Variants in CEP104 observed in about 807,000 individuals in gnomAD.
The protein encoded by CEP104 is centrosomal protein of 104 kDa.
In CEP104, 84 loss-of-function variants were observed where a neutral mutation model predicts 113.3. That is an observed-to-expected ratio of 0.74 (90% CI 0.62 to 0.89). The LOEUF is 0.89. Ranked by LOEUF, CEP104 falls within the 40% of genes least tolerant of loss-of-function variation. CEP104 has a pLI of 0.00. For synonymous variants in CEP104, 378 were observed against 421.7 expected, an observed-to-expected ratio of 0.90 and a Z score of 1.27; for missense variants, 1,053 against 1,156.6, an observed-to-expected ratio of 0.91 and a Z score of 1.30.
intron 4 of CEP104, among the ~76,000 whole-genome samples, 177 bp from the exon 5 acceptor site, chr1:3,845,528 C>T (rs1644491158): frequency 6.6e-6 from 1 of 152,058 alleles, no homozygotes; most frequent in Non-Finnish European, 1.5e-5. Flanking sequence ...ACCTTAGCTG[C>T]CCTGGTAGCT....
chr1:3,842,990 G>A (rs1229313272), intron 6 of CEP104: 2 of 398,416 alleles, frequency 5.0e-6, no homozygotes, highest in Admixed American at 4.4e-5. Flanking sequence ...GTTTTACCAT[G>A]CTGGCCAGGC....
At chr1:3,825,498 G>A (rs1458644001) in intron 18 of CEP104, among the ~76,000 whole-genome samples, 1 of 152,194 alleles carries the variant, frequency 6.6e-6, no homozygotes, top group African/African-American at 2.4e-5. Context: ...ACCCATTTGT[G>A]GTGTCAGAAA....
At chr1:3,832,822 A>C (rs1644242246) in intron 12 of CEP104, among the ~76,000 whole-genome samples, 1 of 152,042 alleles carries the variant, frequency 6.6e-6, no homozygotes, top group African/African-American at 2.4e-5. Flanking sequence ...CTGGGACTAC[A>C]GGGGTGTATC....
chr1:3,829,492 T>C, intron 14 of CEP104, 119 bp from the exon 15 acceptor site: 2 of 736,516 alleles, frequency 2.7e-6, no homozygotes, highest in Non-Finnish European at 4.4e-6. Flanking sequence ...CTAAGACTAA[T>C]AACAAGTTAG....
At chr1:3,846,487 AT>A (rs1644510147) in intron 4 of CEP104, among the ~76,000 whole-genome samples, 1 of 152,246 alleles carries the variant, frequency 6.6e-6, no homozygotes, top group Admixed American at 6.5e-5. Context: ...GGGCACATAT[AT>A]TATCATTCAT....
chr1:3,846,019 C>CAA (rs1284782480), intron 4 of CEP104, among the ~76,000 whole-genome samples: 3 of 140,704 alleles, frequency 2.1e-5, no homozygotes, highest in African/African-American at 5.5e-5. Context: ...ACAGAGGTTG[C>CAA]AGTGAGCCGA....
In CEP104 at chr1:3,845,349, A is replaced by C. The variant is rs375791906; in HGVS notation, c.429T>G (p.Val143=). The part of the protein sequence containing the change: ...HVNKYNIYNQ[V]ALVAINIIGD... ...CAATGATATTTATGGCAACCAAAGC[A>C]ACCTAAGAAAGTGTTAAAATAACAG... The change falls in exon 5 of 22, where the codon GTT becomes GTG. Residue 143 remains valine, a splice_region_variant and synonymous_variant. Coordinates refer to ENST00000378230, the MANE Select transcript of CEP104 (RefSeq NM_014704.4). 1.0e-5 allele frequency: 16 copies of C among 1,596,054 alleles called. No homozygotes were observed. The highest frequency in any genetic ancestry group is 1.7e-5 in the Admixed American group (1 of 59,400).
In CEP104 at chr1:3,823,599, G is replaced by A. The variant is rs1402940799; in HGVS notation, c.2365-37C>T. The A allele has an allele frequency of 1.9e-6, 3 of 1,613,492 alleles. No individual in the cohort carries two copies. The Admixed American group carries it at 5.0e-5, about 27-fold the overall frequency. On this transcript the variant is annotated intron_variant, in intron 18 of 21. Coordinates refer to ENST00000378230, the MANE Select transcript of CEP104 (RefSeq NM_014704.4). This position sits in a 1 kb window ranked among gnomAD's most constrained non-coding sequence, Gnocchi z 4.1. ...AATACAGAGCAAAGCATGTTGCTGA[G>A]AAAGCGGCAGCGCCCTCCAGCCAGC...
chr1:3,847,398 TAAGAA>T, intron 4 of CEP104, 72 bp downstream of exon 4: 1 of 1,350,810 alleles, frequency 7.4e-7, no homozygotes, highest in Admixed American at 2.3e-5. Context: ...AAAATGCATC[TAAGAA>T]AAGATACGTG....
At chr1:3,852,089 G>C (rs1358844044) in intron 2 of CEP104, among the ~76,000 whole-genome samples, 1 of 152,024 alleles carries the variant, frequency 6.6e-6, no homozygotes, top group East Asian at 1.9e-4. Flanking sequence ...AGGGAGTGTG[G>C]GTGAATGTTA....
At chr1:3,835,113 T>A (rs763488946) in intron 10 of CEP104, 21 bp from the exon 11 acceptor site, 1 of 1,605,392 alleles carries the variant, frequency 6.2e-7, no homozygotes, top group Non-Finnish European at 8.5e-7. Context: ...ACAGGCAGCA[T>A]TTCATGGCAT....
At chr1:3,836,729 G>C in intron 9 of CEP104, 37 bp from the exon 10 acceptor site, 1 of 1,591,148 alleles carries the variant, frequency 6.3e-7, no homozygotes, top group Non-Finnish European at 8.6e-7. Flanking sequence ...GTGCTGGGGA[G>C]CTCCATAGGT....
chr1:3,831,545 T>A (rs543463247), intron 12 of CEP104, among the ~76,000 whole-genome samples: 8 of 152,252 alleles, frequency 5.3e-5, no homozygotes, highest in Non-Finnish European at 1.2e-4. Context: ...GGAAAAGGTT[T>A]TCTCATTTCT....
intron 1 of CEP104, among the ~76,000 whole-genome samples, chr1:3,852,949 A>C (rs1474020138): frequency 6.6e-6 from 1 of 152,220 alleles, no homozygotes; most frequent in Non-Finnish European, 1.5e-5. Context: ...GGTTAGGAAG[A>C]AGCCAGGAGG....
chr1:3,833,993 G>C lies in CEP104; in HGVS notation c.1528C>G (p.Gln510Glu), dbSNP rs1268751363. The C allele has an allele frequency of 6.2e-7, 1 of 1,613,478 alleles. No homozygotes were observed. The highest frequency in any genetic ancestry group is 1.3e-5 in the African/African-American group (1 of 74,920). ...CTCAGTTTATGTTTAGGAATATATT[G>C]TGTAATGATCATTTTCAACAATTTC... is the stretch of plus-strand genomic sequence containing the variant. Reference protein sequence around the residue: ...SLKLLKMIITQYIPKHKLSKL... With the variant: ...SLKLLKMIITEYIPKHKLSKL... Residue 510 changes from glutamine (Q) to glutamate (E), a missense_variant, in exon 12 of 22, where the codon CAA becomes GAA. Physicochemically the swap from Gln to Glu is conservative, Grantham distance 29. Transcript: ENST00000378230.
At chr1:3,836,920 A>T (rs1421728097) in intron 9 of CEP104, 3 of 526,448 alleles carry the variant, frequency 5.7e-6, no homozygotes, top group Non-Finnish European at 1.0e-5. Context: ...CAGACCTAAT[A>T]AAAAAAAGCA....
intron 13 of CEP104, among the ~76,000 whole-genome samples, chr1:3,830,360 T>C (rs1446679512): frequency 1.3e-5 from 2 of 152,266 alleles, no homozygotes; most frequent in East Asian, 1.9e-4. Context: ...CCAGTAAGTA[T>C]AATGGAAGTA....
Position 3,852,303 on chromosome 1 carries a change from C to A in CEP104, c.105G>T (p.Arg35=). 1 of 1,613,542 alleles carries A rather than the reference C, an allele frequency of 6.2e-7. No individual in the cohort carries two copies. The change falls in exon 2 of 22, where the codon CGG becomes CGT. Residue 35 remains arginine (R), a synonymous_variant. Transcript: ENST00000378230. ...CCCCGTCCAGTCCTCACCTAGGTGA[C>A]CGCCACCCACTGACAGTTGGCGCGT... is the stretch of plus-strand genomic sequence containing the variant. ...MIHAPTVSGW[R]SPRFCQFPQE...
At chr1:3,829,536 A>G (rs976963611) in intron 14 of CEP104, among the ~76,000 whole-genome samples, 163 bp from the exon 15 acceptor site, 2 of 152,210 alleles carry the variant, frequency 1.3e-5, no homozygotes, top group South Asian at 4.1e-4. Context: ...ATTGGTGTCT[A>G]TTGATAGATA....
Sources: gnomAD v4.1 joint callset for allele counts (sites outside exome capture counted in the v4.1 genomes callset) on GRCh38, gnomAD v4.1.1 for gene constraint, Gnocchi (gnomAD v3.1) non-coding constraint, MANE v1.5 for transcripts, NCBI Gene and HGNC (gene_info 2026-07-23, HGNC 2026-07-21) for gene names.